AFM: variants seen among roughly 807,000 people sequenced by gnomAD.
AFM encodes afamin.
Under a neutral mutation model 68.7 loss-of-function variants are expected in AFM, and 82 were observed. The ratio of observed to expected loss-of-function variants is 1.19; its 90% CI spans 1.00 to 1.43. AFM has a LOEUF of 1.43. Among genes scored for constraint, AFM ranks in the 40% most tolerant of loss-of-function variants. The pLI is 0.00. For missense variants in AFM, 772 were observed against 701.8 expected (o/e 1.10, Z -1.13); for synonymous variants, 250 against 234.2 (o/e 1.07, Z -0.61).
chr4:73,499,060 G>A, intron 10 of AFM, 54 bp from the exon 11 acceptor site: 2 of 1,570,528 alleles, frequency 1.3e-6, no homozygotes, highest in Non-Finnish European at 1.7e-6. Flanking sequence ...AGTAATTCAA[G>A]GGAAAATGGG....
rs140254262 is a variant in AFM at position 73,481,806 on chromosome 4, T to C, written c.31T>C (p.Phe11Leu). The part of the protein sequence containing the change: MKLLKLTGFI[F>L]FLFFLTESLT... ...ACTACTAAAACTTACAGGTTTTATT[T>C]TTTTCTTGTTTTTTTTGACTGAATC... The change falls in exon 1 of 15, where the codon TTT becomes CTT. Residue 11 changes from phenylalanine (F) to leucine (L), a missense_variant. Physicochemically the swap from Phe to Leu is conservative, Grantham distance 22 (BLOSUM62 0). Coordinates refer to ENST00000226355, the MANE Select transcript of AFM (RefSeq NM_001133.2). The C allele has an allele frequency of 7.0e-5, 113 of 1,607,196 alleles. No individual in the cohort carries two copies. The highest frequency in any genetic ancestry group is 9.4e-5 in the Non-Finnish European group (111 of 1,176,818).
chr4:73,500,189 T>A lies in AFM; in HGVS notation c.1608T>A (p.Cys536Ter), dbSNP rs761891650. The A allele has an allele frequency of 1.2e-6, 2 of 1,613,678 alleles. No individual in the cohort carries two copies. The highest frequency in any genetic ancestry group is 1.3e-5 in the African/African-American group (1 of 75,048). Residue 536 changes from cysteine (C) to a stop codon, truncating the protein, a stop_gained, in exon 12 of 15, where the codon TGT becomes TGA. Transcript: ENST00000226355. LOFTEE classifies it high-confidence loss of function. ...TATTTACCTTTCACGCAGACATGTG[T>A]CAATCTCAGAATGAGGAGCTTCAGA... is the stretch of plus-strand genomic sequence containing the variant. Reference protein sequence around the residue: ...QDLFTFHADMCQSQNEELQRK... With the variant: ...QDLFTFHADM
chr4:73,496,166 G>A (rs1024055216), intron 9 of AFM, among the ~76,000 whole-genome samples: 6 of 152,168 alleles, frequency 3.9e-5, no homozygotes, highest in African/African-American at 1.4e-4. Flanking sequence ...GCTAACATCA[G>A]GTGTCAGAAG....
intron 6 of AFM, among the ~76,000 whole-genome samples, chr4:73,488,223 T>A (rs1654908565): frequency 6.6e-6 from 1 of 152,172 alleles, no homozygotes; most frequent in Non-Finnish European, 1.5e-5. Flanking sequence ...CCCTAATCAA[T>A]TAGTAATGGG....
At chr4:73,487,872 T>C in intron 6 of AFM, 51 bp downstream of exon 6, 1 of 1,307,674 alleles carries the variant, frequency 7.6e-7, no homozygotes, top group East Asian at 2.3e-5. Flanking sequence ...CTTGTCTGTG[T>C]CCCATTTTTG....
chr4:73,495,317 C>T lies in AFM; in HGVS notation c.1076C>T (p.Ser359Leu), dbSNP rs774608957. The T allele has an allele frequency of 1.3e-6, 2 of 1,592,710 alleles. No individual in the cohort carries two copies. The highest frequency in any genetic ancestry group is 2.2e-5 in the East Asian group (1 of 44,662). The change falls in exon 9 of 15, where the codon TCA (serine) becomes TTA (leucine). Residue 359 changes from serine (S) to leucine (L), a missense_variant. Transcript: ENST00000226355. ...TFFAKFTFEY[S>L]RRHPDLSIPE... ...CATTGCAGGTTTACTTTTGAATACT[C>T]AAGGAGACATCCAGACCTGTCTATA...
intron 10 of AFM, among the ~76,000 whole-genome samples, chr4:73,498,103 G>A (rs1271306612): frequency 6.6e-6 from 1 of 152,164 alleles, no homozygotes; most frequent in Non-Finnish European, 1.5e-5. Context: ...GGAAGAGATA[G>A]TTTGCCTTGC....
chr4:73,486,954 T>A lies in AFM; in HGVS notation c.483-13T>A. The A allele has an allele frequency of 6.2e-7, 1 of 1,609,170 alleles. No individual in the cohort carries two copies. Among genetic ancestry groups the A allele is most frequent in the South Asian group, 1.1e-5 (1 of 90,232 alleles). On this transcript the variant is annotated splice_polypyrimidine_tract_variant and intron_variant, in intron 4 of 14. Coordinates refer to ENST00000226355, the MANE Select transcript of AFM (RefSeq NM_001133.2). ...CTCACCCGTCTTCTCTCTTTCATTT[T>A]TATTTTTTATAGCTTTTTATATGAA...
rs577339549 is a variant in AFM at position 73,485,947 on chromosome 4, C to T, written c.356C>T (p.Ala119Val). 4 of 1,614,034 alleles carry T rather than the reference C, an allele frequency of 2.5e-6. No homozygotes were observed. Among genetic ancestry groups the T allele is most frequent in the South Asian group, 1.1e-5 (1 of 91,070 alleles). The stretch of plus-strand genomic sequence containing the variant: ...TCACACTGCTGCAGTAAGGTTGATG[C>T]TCAAAGAAGACTCTGTTTCTTCTAT... ...NFSHCCSKVDAQRRLCFFYNK... is the reference protein window; with the variant it reads ...NFSHCCSKVDVQRRLCFFYNK... Residue 119 changes from alanine (A) to valine (V), a missense_variant, in exon 4 of 15, where the codon GCT (alanine) becomes GTT (valine). Physicochemically the swap from Ala to Val is moderately conservative, Grantham distance 64 (BLOSUM62 0). Transcript: ENST00000226355.
At chr4:73,487,644 T>C (rs1577974214) in intron 5 of AFM, 80 bp from the exon 6 acceptor site, 3 of 964,552 alleles carry the variant, frequency 3.1e-6, no homozygotes, top group Non-Finnish European at 4.7e-6. Context: ...TTGTAATAGT[T>C]TGAATGAAAT....
intron 8 of AFM, among the ~76,000 whole-genome samples, chr4:73,494,065 G>GTA (rs1163300276): frequency 7.7e-5 from 6 of 77,428 alleles, no homozygotes; most frequent in African/African-American, 2.6e-4. Flanking sequence ...TTTTAGGTGT[G>GTA]TGTGTGTGTG....
chr4:73,495,661 C>T (rs1411822128), intron 9 of AFM, among the ~76,000 whole-genome samples: 1 of 152,120 alleles, frequency 6.6e-6, no homozygotes, highest in East Asian at 1.9e-4. Flanking sequence ...AAAAAGTCTT[C>T]CCATTAAACA....
At chr4:73,485,638 GGAAGAA>G (rs1344122046) in intron 3 of AFM, among the ~76,000 whole-genome samples, 3 of 135,770 alleles carry the variant, frequency 2.2e-5, no homozygotes, top group African/African-American at 8.1e-5. Context: ...AAAAAGAAGA[GGAAGAA>G]GAAGAAGAAG....
intron 11 of AFM, 74 bp downstream of exon 11, chr4:73,499,320 T>G: frequency 7.8e-7 from 1 of 1,282,948 alleles, no homozygotes; most frequent in Non-Finnish European, 1.0e-6. Flanking sequence ...CTCATTGATT[T>G]ACCGTGATTA....
At chr4:73,490,457 C>T (rs1052057876) in intron 7 of AFM, among the ~76,000 whole-genome samples, 14 of 152,072 alleles carry the variant, frequency 9.2e-5, no homozygotes, top group Non-Finnish European at 2.1e-4. Flanking sequence ...CTGGCTCTGT[C>T]GCCCAGGCTG....
chr4:73,485,961 T>A lies in AFM; in HGVS notation c.370T>A (p.Cys124Ser), dbSNP rs1021724732. The A allele has an allele frequency of 6.2e-7, 1 of 1,613,858 alleles. No individual in the cohort carries two copies. Among genetic ancestry groups the A allele is most frequent in the Non-Finnish European group, 8.5e-7 (1 of 1,179,830 alleles). The change falls in exon 4 of 15, where the codon TGT (cysteine) becomes AGT (serine). Residue 124 changes from cysteine (C) to serine (S), a missense_variant. Cys to Ser is a moderately radical substitution (Grantham distance 112). Transcript: ENST00000226355. ...TAAGGTTGATGCTCAAAGAAGACTC[T>A]GTTTCTTCTATAACAAGAAATCTGA... ...CSKVDAQRRL[C>S]FFYNKKSDVG...
chr4:73,495,914 T>C (rs899730279), intron 9 of AFM, among the ~76,000 whole-genome samples: 5 of 152,246 alleles, frequency 3.3e-5, no homozygotes, highest in Admixed American at 6.5e-5. Context: ...ATAATTAACA[T>C]TTGTGTTCAA....
intron 12 of AFM, 34 bp from the exon 13 acceptor site, chr4:73,501,753 T>A (rs770695162): frequency 5.6e-6 from 9 of 1,596,048 alleles, no homozygotes; most frequent in Non-Finnish European, 6.8e-6. Flanking sequence ...AAAGAAAGCG[T>A]TAATTAATTT....
rs6813414 is a variant in AFM at position 73,492,994 on chromosome 4, C to T, written c.1058+908C>T. Among the ~76,000 whole-genome samples the T allele has an allele frequency of 9.4e-3, 1,422 of 151,678 alleles. 19 individuals are homozygous for T. Among genetic ancestry groups the T allele is most frequent in the South Asian group, 0.042 (203 of 4,794 alleles). ...AATGTTCTTTTATTTCTAATAGCAT[C>T]CTGTTCTAGGTAATGCAGGGGAACA... On this transcript the variant is annotated intron_variant, in intron 8 of 14. Coordinates refer to ENST00000226355, the MANE Select transcript of AFM (RefSeq NM_001133.2).
Sources: gnomAD v4.1 joint callset for allele counts (sites outside exome capture counted in the v4.1 genomes callset) on GRCh38, gnomAD v4.1.1 for gene constraint, MANE v1.5 for transcripts, NCBI Gene and HGNC (gene_info 2026-07-23, HGNC 2026-07-21) for gene names.